Variants in TMEM132D observed in about 807,000 individuals in gnomAD.
TMEM132D encodes mature OL transmembrane protein.
In TMEM132D, 21 loss-of-function variants were observed where a neutral mutation model predicts 62.3. The observed-to-expected ratio is 0.34, with a 90% CI of 0.24 to 0.49. TMEM132D has a LOEUF of 0.49. Ranked by LOEUF, TMEM132D falls within the 20% of genes least tolerant of loss-of-function variation. The probability of loss-of-function intolerance (pLI) is 0.99; values close to 1 mark genes in which losing one functional copy is unlikely to be tolerated. For missense variants in TMEM132D, 1,346 were observed against 1,402.8 expected (o/e 0.96, Z 0.65); for synonymous variants, 621 against 575.6 (o/e 1.08, Z -1.13).
At chr12:129,795,600 G>A (rs1172484494) in intron 1 of TMEM132D, among the ~76,000 whole-genome samples, 2 of 152,180 alleles carry the variant, frequency 1.3e-5, no homozygotes, top group Non-Finnish European at 2.9e-5. Context: ...AACATATAAT[G>A]CCAGCTGCTG....
chr12:129,533,411 A>G (rs986344335), intron 2 of TMEM132D, among the ~76,000 whole-genome samples: 4 of 152,230 alleles, frequency 2.6e-5, no homozygotes, highest in Non-Finnish European at 1.5e-5. Context: ...AGCTACTATT[A>G]TACTAAGATG....
At chr12:129,691,844 T>G (rs558560718) in intron 2 of TMEM132D, among the ~76,000 whole-genome samples, 5 of 151,918 alleles carry the variant, frequency 3.3e-5, no homozygotes, top group African/African-American at 7.3e-5. Context: ...CCCACAAATC[T>G]TATAACTAGG....
At chr12:129,738,533 A>G (rs976786067) in intron 1 of TMEM132D, among the ~76,000 whole-genome samples, 4 of 152,216 alleles carry the variant, frequency 2.6e-5, no homozygotes, top group Admixed American at 1.3e-4. Context: ...GAAAACCCCA[A>G]CACGCTGTAG....
At chr12:129,432,382 A>T (rs988730546) in intron 3 of TMEM132D, among the ~76,000 whole-genome samples, 1 of 151,978 alleles carries the variant, frequency 6.6e-6, no homozygotes, top group African/African-American at 2.4e-5. Context: ...TTTTATTTCC[A>T]TTTACTATAA....
chr12:129,602,787 A>G (rs1878515555), intron 2 of TMEM132D, among the ~76,000 whole-genome samples: 1 of 152,180 alleles, frequency 6.6e-6, no homozygotes, highest in Non-Finnish European at 1.5e-5. Flanking sequence ...GCAAATAAAG[A>G]CACACCCAAA....
At chr12:129,109,203 G>A (rs1055493088) in intron 5 of TMEM132D, among the ~76,000 whole-genome samples, 1 of 152,198 alleles carries the variant, frequency 6.6e-6, no homozygotes, top group Non-Finnish European at 1.5e-5. Flanking sequence ...CCGAATGGCC[G>A]TGTGAGTTTT....
chr12:129,811,796 T>C (rs1284963587), intron 1 of TMEM132D, among the ~76,000 whole-genome samples: 1 of 151,616 alleles, frequency 6.6e-6, no homozygotes, highest in East Asian at 2.0e-4. Context: ...AGAAGGAATG[T>C]GGGTGACTTT....
At chr12:129,491,621 T>C (rs1440358827) in intron 3 of TMEM132D, among the ~76,000 whole-genome samples, 1 of 152,184 alleles carries the variant, frequency 6.6e-6, no homozygotes, top group Non-Finnish European at 1.5e-5. Context: ...GATACCATCA[T>C]CTTGCAGGAG....
At chr12:129,238,995 T>TG (rs1555240387) in intron 4 of TMEM132D, among the ~76,000 whole-genome samples, 2 of 135,264 alleles carry the variant, frequency 1.5e-5, no homozygotes, top group Admixed American at 7.1e-5. Flanking sequence ...TGTTATTTTC[T>TG]GTTTTTTTTT....
At chr12:129,518,120 T>C (rs1197111925) in intron 3 of TMEM132D, among the ~76,000 whole-genome samples, 1 of 152,244 alleles carries the variant, frequency 6.6e-6, no homozygotes, top group Non-Finnish European at 1.5e-5. Context: ...AATTTCATTT[T>C]CTAATACCTT....
intron 3 of TMEM132D, among the ~76,000 whole-genome samples, chr12:129,486,140 C>T (rs1470678037): frequency 6.6e-6 from 1 of 152,216 alleles, no homozygotes; most frequent in African/African-American, 2.4e-5. Context: ...GTCGGTATTA[C>T]CTGTCCTCTT....
At chr12:129,821,627 G>A (rs1480724563) in intron 1 of TMEM132D, among the ~76,000 whole-genome samples, 2 of 152,156 alleles carry the variant, frequency 1.3e-5, no homozygotes, top group Admixed American at 1.3e-4. Context: ...CAGTATTTCT[G>A]GCAGAGGCAA....
intron 3 of TMEM132D, among the ~76,000 whole-genome samples, chr12:129,464,229 T>C (rs1873800584): frequency 6.6e-6 from 1 of 152,234 alleles, no homozygotes; most frequent in Non-Finnish European, 1.5e-5. Context: ...TGGCCAGTGA[T>C]GATGAGCATT....
intron 1 of TMEM132D, among the ~76,000 whole-genome samples, chr12:129,882,288 C>T (rs1606471): frequency 0.99 from 150,353 of 152,236 alleles, 74,278 homozygotes; most frequent in East Asian, 1. Context: ...AGTACCCTAA[C>T]ACCAAAAGTA....
intron 4 of TMEM132D, among the ~76,000 whole-genome samples, chr12:129,222,479 C>T (rs1879375446): frequency 1.3e-5 from 2 of 152,108 alleles, no homozygotes; most frequent in South Asian, 2.1e-4. Context: ...TGCTATATTC[C>T]CCTTTTTTGA....
At chr12:129,279,384 T>C (rs1405033610) in intron 4 of TMEM132D, among the ~76,000 whole-genome samples, 3 of 152,184 alleles carry the variant, frequency 2.0e-5, no homozygotes, top group Non-Finnish European at 2.9e-5. Context: ...TTCCTCTTCT[T>C]CCTAAAGAAT....
chr12:129,297,626 C>T (rs1369790894), intron 4 of TMEM132D, among the ~76,000 whole-genome samples: 1 of 152,150 alleles, frequency 6.6e-6, no homozygotes, highest in Non-Finnish European at 1.5e-5. Context: ...GTCAGCTGCA[C>T]AGGGTGTTTC....
At chr12:129,557,739 T>C (rs1566108930) in intron 2 of TMEM132D, among the ~76,000 whole-genome samples, 1 of 152,040 alleles carries the variant, frequency 6.6e-6, no homozygotes, top group East Asian at 1.9e-4. Context: ...AACAAAAGCA[T>C]GGACAAGTGA....
intron 4 of TMEM132D, among the ~76,000 whole-genome samples, chr12:129,310,802 C>T (rs1358785563): frequency 2.6e-5 from 4 of 152,164 alleles, no homozygotes; most frequent in African/African-American, 9.7e-5. Flanking sequence ...CTCTGCACAC[C>T]TCAACCAAGC....
Sources: allele counts gnomAD v4.1 joint callset (sites outside exome capture counted in the v4.1 genomes callset), GRCh38; gene constraint gnomAD v4.1.1; transcripts MANE v1.5; gene names NCBI Gene and HGNC (gene_info 2026-07-23, HGNC 2026-07-21).